The following BMPR1B variants were observed in gnomAD, a reference collection of about 807,000 sequenced individuals.
BMPR1B encodes the protein bone morphogenetic protein receptor type 1B.
BMPR1B carries 12 observed loss-of-function variants against 59.1 expected under a neutral mutation model. The ratio of observed to expected loss-of-function variants is 0.20; its 90% CI spans 0.13 to 0.33. BMPR1B has a LOEUF of 0.33. BMPR1B is among the 10% of genes least tolerant of loss of function. The pLI, the probability that BMPR1B is intolerant of heterozygous loss-of-function variation, is 1.00. For missense variants in BMPR1B, 550 were observed against 610.9 expected (o/e 0.90, Z 1.05); for synonymous variants, 237 against 207.3 (o/e 1.14, Z -1.23).
chr4:94,993,099 C>A (rs1466781299), intron 2 of BMPR1B, among the ~76,000 whole-genome samples: 1 of 152,022 alleles, frequency 6.6e-6, no homozygotes, highest in East Asian at 1.9e-4. Context: ...CTATGTTTCC[C>A]AGGCTGGTCT....
chr4:95,063,311 G>A (rs2149208111), intron 3 of BMPR1B, among the ~76,000 whole-genome samples: 1 of 152,238 alleles, frequency 6.6e-6, no homozygotes, highest in African/African-American at 2.4e-5. Context: ...TCCATTTATA[G>A]ATGTTAAGCA....
chr4:94,800,163 A>G (rs569819874), intron 1 of BMPR1B, among the ~76,000 whole-genome samples: 66 of 152,342 alleles, frequency 4.3e-4, no homozygotes, highest in Non-Finnish European at 7.9e-4. Context: ...CTACAGAAAG[A>G]AATTCTGTTT....
chr4:94,882,978 A>ATATG (rs1553915375), intron 2 of BMPR1B, among the ~76,000 whole-genome samples: 1 of 144,478 alleles, frequency 6.9e-6, no homozygotes, highest in Non-Finnish European at 1.5e-5. Context: ...GTGTGTGTGT[A>ATATG]TGTGTGTGTG....
In BMPR1B at chr4:95,120,495, CG is replaced by C. The variant is rs1732395278; in HGVS notation, c.350-3314del. On this transcript the variant is annotated intron_variant, in intron 6 of 12. Transcript: ENST00000515059. ...AAAGTATCTTCACTGATGGTATGAT[CG>C]TATACTTAGAAAAACCTAAAGACTC... 2.0e-5 allele frequency among the ~76,000 whole-genome samples: 3 copies of C among 152,012 alleles called. No individual in the cohort carries two copies. The South Asian group carries it at 6.2e-4, about 32-fold the overall frequency.
At chr4:95,019,613 A>G (rs1723826903) in intron 3 of BMPR1B, among the ~76,000 whole-genome samples, 1 of 152,174 alleles carries the variant, frequency 6.6e-6, no homozygotes, top group Non-Finnish European at 1.5e-5. Context: ...GGCATTATTT[A>G]TTTGTGGAAA....
At chr4:94,865,436 G>A (rs1274175539) in intron 1 of BMPR1B, among the ~76,000 whole-genome samples, 1 of 151,306 alleles carries the variant, frequency 6.6e-6, no homozygotes, top group Non-Finnish European at 1.5e-5. Flanking sequence ...TGTCACCCGG[G>A]CTGGAGTACA....
intron 9 of BMPR1B, among the ~76,000 whole-genome samples, chr4:95,130,850 T>C (rs7674881): frequency 0.17 from 25,339 of 150,664 alleles, 4,760 homozygotes; most frequent in African/African-American, 0.47. Context: ...CCTGCTTAGC[T>C]TCCCGAGTAG....
intron 1 of BMPR1B, among the ~76,000 whole-genome samples, chr4:94,819,818 A>C (rs1489140935): frequency 6.6e-6 from 1 of 152,232 alleles, no homozygotes; most frequent in Non-Finnish European, 1.5e-5. Flanking sequence ...GTACATTTGA[A>C]CACAGTTGGT....
At chr4:94,818,257 A>G (rs931212673) in intron 1 of BMPR1B, among the ~76,000 whole-genome samples, 6 of 152,218 alleles carry the variant, frequency 3.9e-5, no homozygotes, top group Non-Finnish European at 7.3e-5. Flanking sequence ...TTCAAGAAAT[A>G]ATACTTAGAG....
At chr4:94,945,642 C>T (rs1393294644) in intron 2 of BMPR1B, among the ~76,000 whole-genome samples, 1 of 152,100 alleles carries the variant, frequency 6.6e-6, no homozygotes, top group Non-Finnish European at 1.5e-5. Flanking sequence ...ACCGTGTTGC[C>T]CAGACTGGTC....
intron 3 of BMPR1B, among the ~76,000 whole-genome samples, chr4:95,013,097 G>A (rs933925740): frequency 6.6e-6 from 1 of 151,056 alleles, no homozygotes; most frequent in Non-Finnish European, 1.5e-5. Context: ...TAAATAACTA[G>A]TTTTTCAAAT....
chr4:94,758,307 G>A (rs1560801289), intron 1 of BMPR1B, among the ~76,000 whole-genome samples: 1 of 151,206 alleles, frequency 6.6e-6, no homozygotes, highest in Non-Finnish European at 1.5e-5. Flanking sequence ...GGGGTCAGGC[G>A]GTGGCCGCCT....
At chr4:95,123,243 A>G (rs1732654411) in intron 6 of BMPR1B, among the ~76,000 whole-genome samples, 1 of 152,174 alleles carries the variant, frequency 6.6e-6, no homozygotes, top group Admixed American at 6.6e-5. Flanking sequence ...TTTAAGAAAA[A>G]GTATGGATTT....
intron 2 of BMPR1B, among the ~76,000 whole-genome samples, chr4:94,876,811 A>G (rs1233139910): frequency 3.9e-5 from 6 of 152,210 alleles, no homozygotes; most frequent in African/African-American, 7.2e-5. Flanking sequence ...TACATGTTAT[A>G]CTTCTTAATG....
At chr4:94,861,748 G>A (rs531967695) in intron 1 of BMPR1B, among the ~76,000 whole-genome samples, 1 of 152,200 alleles carries the variant, frequency 6.6e-6, no homozygotes. Context: ...TAAAATTATG[G>A]TTATAGCTAA....
chr4:95,113,742 C>T (rs1178078323), intron 4 of BMPR1B, among the ~76,000 whole-genome samples: 1 of 151,880 alleles, frequency 6.6e-6, no homozygotes, highest in African/African-American at 2.4e-5. Context: ...TATTTTAGTC[C>T]CAAAGGGCAT....
In BMPR1B at chr4:94,916,164, C is replaced by T. The variant is rs374776637; in HGVS notation, c.-113+40264C>T. On this transcript the variant is annotated intron_variant, in intron 2 of 12. Transcript: ENST00000515059. The stretch of plus-strand genomic sequence containing the variant: ...TTTCTTTATTGCAATACAGGAACAA[C>T]CCAATACAAAGAATTTGTACTGAGG... 1.9e-4 allele frequency among the ~76,000 whole-genome samples: 29 copies of T among 152,148 alleles called. No homozygotes were observed. The South Asian group carries it at 4.4e-3, about 23-fold the overall frequency.
intron 10 of BMPR1B, among the ~76,000 whole-genome samples, chr4:95,135,920 A>G (rs181766433): frequency 1.3e-5 from 2 of 152,258 alleles, no homozygotes; most frequent in East Asian, 3.9e-4. Flanking sequence ...GTGCTGAGAG[A>G]GGGCATCCCT....
chr4:95,062,909 C>T (rs899792986), intron 3 of BMPR1B, among the ~76,000 whole-genome samples: 5 of 152,016 alleles, frequency 3.3e-5, no homozygotes, highest in Non-Finnish European at 7.4e-5. Context: ...TTTTGCAAGC[C>T]GAATGAGAAT....
Sources: gnomAD v4.1 joint callset for allele counts (sites outside exome capture counted in the v4.1 genomes callset) on GRCh38, gnomAD v4.1.1 for gene constraint, MANE v1.5 for transcripts, NCBI Gene and HGNC (gene_info 2026-07-23, HGNC 2026-07-21) for gene names.